The following JADE2 variants were observed in gnomAD, a reference collection of about 807,000 sequenced individuals.
The protein encoded by JADE2 is jade family PHD finger 2.
In JADE2, 13 loss-of-function variants were observed where a neutral mutation model predicts 85.7. That is an observed-to-expected ratio of 0.15 (90% CI 0.10 to 0.24). The LOEUF is 0.24. Ranked by LOEUF, JADE2 falls within the 10% of genes least tolerant of loss-of-function variation. The pLI is 1.00. For synonymous variants in JADE2, 440 were observed against 456.1 expected, an observed-to-expected ratio of 0.96 and a Z score of 0.45; for missense variants, 846 against 1,115.9, an observed-to-expected ratio of 0.76 and a Z score of 3.45.
rs1764637343 is a variant in JADE2 at position 134,580,259 on chromosome 5, G to A, written c.*942G>A. ...ACCGTTTGCCTTTTCAAGTTTCCTA[G>A]TCCTGCTACAAGATGAGCTTCTTCC... On this transcript the variant is annotated 3_prime_UTR_variant, in exon 12 of 12. Coordinates refer to ENST00000681547, the MANE Select transcript of JADE2 (RefSeq NM_001388185.1). 6.5e-6 allele frequency: 1 copy of A among 152,736 alleles called. No individual in the cohort carries two copies. The highest frequency in any genetic ancestry group is 1.5e-5 in the Non-Finnish European group (1 of 68,094). The allele number at this position is 152,736 out of a possible 1,614,324, so 9.5% of individuals were successfully genotyped here.
At chr5:134,544,667 A>G (rs1018260955) in intron 3 of JADE2, 4 of 161,816 alleles carry the variant, frequency 2.5e-5, no homozygotes, top group African/African-American at 7.3e-5. Flanking sequence ...GTACATCCCT[A>G]GTTGCATGTA....
In JADE2 at chr5:134,578,723, G is replaced by C. The variant is rs1325206447; in HGVS notation, c.1911G>C (p.Lys637Asn). 5.0e-6 allele frequency: 8 copies of C among 1,613,348 alleles called. No homozygotes were observed. The highest frequency in any genetic ancestry group is 6.8e-6 in the Non-Finnish European group (8 of 1,179,934). Residue 637 changes from lysine (K) to asparagine (N), a missense_variant, in exon 12 of 12, where the codon AAG (lysine) becomes AAC (asparagine). Lys to Asn is a moderately conservative substitution (Grantham distance 94, BLOSUM62 0). Coordinates refer to ENST00000681547, the MANE Select transcript of JADE2 (RefSeq NM_001388185.1). The surrounding 1 kb of genome is among the most constrained non-coding windows in gnomAD (Gnocchi z 4.4). Reference protein sequence around the residue: ...PSLRPGDPARKARGRTRLPAK... With the variant: ...PSLRPGDPARNARGRTRLPAK... ...TGCGACCTGGTGACCCTGCTAGGAA[G>C]GCCCGAGGCCGCACCCGCCTGCCTG...
intron 1 of JADE2, among the ~76,000 whole-genome samples, chr5:134,529,116 G>T (rs903931124): frequency 3.9e-4 from 59 of 152,178 alleles, no homozygotes; most frequent in African/African-American, 1.4e-3. Context: ...GAAGGCAGTT[G>T]TCTTATGCTC....
In JADE2 at chr5:134,536,100, C is replaced by T. The variant is rs183464384; in HGVS notation, c.58+185C>T. On this transcript the variant is annotated intron_variant, in intron 2 of 11. Transcript: ENST00000681547. ...ACTTCTAAAAAAGTCCCTGCACCTT[C>T]CGTGACCTCCAGGGCCTTGTTCTCC... 1.8e-3 allele frequency among the ~76,000 whole-genome samples: 267 copies of T among 152,318 alleles called. 1 individual carries two copies. The highest frequency in any genetic ancestry group is 5.6e-3 in the African/African-American group (233 of 41,572).
intron 3 of JADE2, chr5:134,544,350 T>G (rs955410939): frequency 6.2e-6 from 1 of 161,024 alleles, no homozygotes; most frequent in East Asian, 1.9e-4. Context: ...GTGTCTGTTA[T>G]GGGAGGTGCA....
Position 134,578,497 on chromosome 5 carries a change from G to T in JADE2, c.1685G>T (p.Gly562Val), listed in dbSNP as rs1478734846. ...GPDSVLGQLA[G>V]LSTSFPIDGT... ...CTTGCCTCCTCTCTCCCCTCAGCAG[G>T]CCTGTCCACCTCATTCCCCATCGAT... is the stretch of plus-strand genomic sequence containing the variant. The change falls in exon 12 of 12, where the codon GGC (glycine) becomes GTC (valine). Residue 562 changes from glycine to valine, a missense_variant. Physicochemically the swap from Gly to Val is moderately radical, Grantham distance 109 (BLOSUM62 -3). Transcript: ENST00000681547. This position sits in a 1 kb window ranked among gnomAD's most constrained non-coding sequence, Gnocchi z 4.4. 3 of 1,575,308 alleles carry T rather than the reference G, an allele frequency of 1.9e-6. No homozygotes were observed. Among genetic ancestry groups the T allele is most frequent in the Non-Finnish European group, 2.6e-6 (3 of 1,155,742 alleles).
At chr5:134,542,888 A>G (rs1291106872) in intron 3 of JADE2, among the ~76,000 whole-genome samples, 2 of 151,942 alleles carry the variant, frequency 1.3e-5, no homozygotes, top group East Asian at 1.9e-4. Flanking sequence ...ACTTGCCACC[A>G]TGCCGGGCTA....
At position 134,531,515 on chromosome 5, in the gene JADE2, G is replaced by T. The variant is rs555647482; in HGVS notation, c.1-4343G>T. Among the ~76,000 whole-genome samples, 6 of 152,158 alleles carry T rather than the reference G, an allele frequency of 3.9e-5. No individual in the cohort carries two copies. In the East Asian group the frequency reaches 1.2e-3, roughly 29 times the overall value. On this transcript the variant is annotated intron_variant, in intron 1 of 11. Coordinates refer to ENST00000681547, the MANE Select transcript of JADE2 (RefSeq NM_001388185.1). ...TTGCCTTGAACTCCTGGGCCCAAGTGATCCTCCTGCCTCTACCTCCCAAGT... is the reference window on the plus strand; with the variant it reads ...TTGCCTTGAACTCCTGGGCCCAAGTTATCCTCCTGCCTCTACCTCCCAAGT...
chr5:134,554,708 A>T (rs1762806911), intron 4 of JADE2, among the ~76,000 whole-genome samples: 1 of 151,926 alleles, frequency 6.6e-6, no homozygotes, highest in Non-Finnish European at 1.5e-5. Flanking sequence ...GGGGGTGGGG[A>T]AGTGCTCCCT....
Position 134,527,440 on chromosome 5 carries a change from C to T in JADE2, c.-1+1429C>T, listed in dbSNP as rs183517607. ...GCGAGACAGCCAGGAAGGCTTCACTCTAGCTTCCAGAGGCCCAGCCCTGTC... is the reference window on the plus strand; with the variant it reads ...GCGAGACAGCCAGGAAGGCTTCACTTTAGCTTCCAGAGGCCCAGCCCTGTC... On this transcript the variant is annotated intron_variant, in intron 1 of 11. Transcript: ENST00000681547. Among the ~76,000 whole-genome samples the T allele has an allele frequency of 5.2e-4, 79 of 152,222 alleles. 3 individuals carry two copies. The East Asian group carries it at 0.013, about 24-fold the overall frequency.
chr5:134,562,981 T>C lies in JADE2; in HGVS notation c.852+614T>C, dbSNP rs1185743257. Among the ~76,000 whole-genome samples, 2 of 152,154 alleles carry C rather than the reference T, an allele frequency of 1.3e-5. No individual in the cohort carries two copies. Among genetic ancestry groups the C allele is most frequent in the Non-Finnish European group, 2.9e-5 (2 of 68,014 alleles). The stretch of plus-strand genomic sequence containing the variant: ...GCTGACTAGAGGGGAAAGCAGGTTG[T>C]GGGGTCCATCTAAACCTTAGCAGTT... On this transcript the variant is annotated intron_variant, in intron 7 of 11. Transcript: ENST00000681547. The surrounding 1 kb of genome is among the most constrained non-coding windows in gnomAD (Gnocchi z 4.6).
At chr5:134,535,998 C>T (rs536124557) in intron 2 of JADE2, 83 bp downstream of exon 2, 1 of 1,186,884 alleles carries the variant, frequency 8.4e-7, no homozygotes, top group East Asian at 2.3e-5. Context: ...AGGAGGCTGC[C>T]CTGTGGTCTT....
At chr5:134,525,510 G>T (rs927459319), upstream of JADE2, 4 of 306,092 alleles carry the variant, frequency 1.3e-5, no homozygotes, top group East Asian at 1.6e-4. Context: ...GGGGTTGGGG[G>T]GGCGGCGACG....
chr5:134,577,890 A>G (rs569346296), intron 11 of JADE2, among the ~76,000 whole-genome samples: 2 of 151,842 alleles, frequency 1.3e-5, no homozygotes, highest in African/African-American at 4.8e-5. Context: ...TGCTACCCCT[A>G]TTCGTACCTG....
chr5:134,544,154 G>A (rs1454404437), intron 3 of JADE2, among the ~76,000 whole-genome samples: 3 of 152,258 alleles, frequency 2.0e-5, no homozygotes, highest in Non-Finnish European at 4.4e-5. Flanking sequence ...GGAAGTCAGA[G>A]TCCCCAGAAG....
chr5:134,560,375 G>A (rs1417693007), intron 5 of JADE2, among the ~76,000 whole-genome samples: 1 of 152,168 alleles, frequency 6.6e-6, no homozygotes, highest in Non-Finnish European at 1.5e-5. Flanking sequence ...GTCCCAGGAA[G>A]GGTTAACTCG....
At position 134,576,787 on chromosome 5, in the gene JADE2, A is replaced by G; in HGVS notation, c.1572A>G (p.Ala524=). 1 of 1,550,632 alleles carries G rather than the reference A, an allele frequency of 6.4e-7. No homozygotes were observed. Among genetic ancestry groups the G allele is most frequent in the African/African-American group, 1.4e-5 (1 of 73,166 alleles). Residue 524 remains alanine, a synonymous_variant, in exon 11 of 12, where the codon GCA becomes GCG. Coordinates refer to ENST00000681547, the MANE Select transcript of JADE2 (RefSeq NM_001388185.1). ...ACACAGAGCGGTCTGGGAGGAGAGC[A>G]AAGGGCAAGAAGAGTGACTCGAAGA... ...DLCRERSGRR[A]KGKKSDSKRK...
chr5:134,531,155 C>G (rs1761208636), intron 1 of JADE2, among the ~76,000 whole-genome samples: 1 of 152,190 alleles, frequency 6.6e-6, no homozygotes, highest in African/African-American at 2.4e-5. Flanking sequence ...GTCAGACATG[C>G]ATAGACCACA....
chr5:134,562,168 C>T lies in JADE2; in HGVS notation c.685-32C>T, dbSNP rs376989529. 133 of 1,570,288 alleles carry T rather than the reference C, an allele frequency of 8.5e-5. No individual in the cohort carries two copies. In the Admixed American group the frequency reaches 8.8e-4, roughly 10 times the overall value. On this transcript the variant is annotated intron_variant, in intron 6 of 11. Transcript: ENST00000681547. The surrounding 1 kb of genome is among the most constrained non-coding windows in gnomAD (Gnocchi z 4.6). The stretch of plus-strand genomic sequence containing the variant: ...TGACCAGACACAGATTGGCCAGTTC[C>T]GCTGACTCATGACCACCCTGCTCTC...
Sources: allele counts gnomAD v4.1 joint callset (sites outside exome capture counted in the v4.1 genomes callset), GRCh38; gene constraint gnomAD v4.1.1; non-coding constraint Gnocchi (gnomAD v3.1); transcripts MANE v1.5; gene names NCBI Gene and HGNC (gene_info 2026-07-23, HGNC 2026-07-21).